The following PHF20 variants were observed in gnomAD, a reference collection of about 807,000 sequenced individuals.
PHF20 encodes PHD finger protein 20.
PHF20 carries 23 observed loss-of-function variants against 113.5 expected under a neutral mutation model. That is an observed-to-expected ratio of 0.20 (90% CI 0.15 to 0.29). The LOEUF (loss-of-function observed/expected upper bound fraction) is 0.29. Among genes scored for constraint, PHF20 ranks in the 10% least tolerant of loss-of-function variants. The pLI is 1.00. For synonymous variants in PHF20, 434 were observed against 457.3 expected, an observed-to-expected ratio of 0.95 and a Z score of 0.65; for missense variants, 943 against 1,219.6, an observed-to-expected ratio of 0.77 and a Z score of 3.38.
chr20:35,942,448 C>T (rs368369682), intron 17 of PHF20, among the ~76,000 whole-genome samples: 4 of 152,278 alleles, frequency 2.6e-5, no homozygotes, highest in African/African-American at 7.2e-5. Flanking sequence ...GGTGAATGTT[C>T]GGTTGTTGCC....
intron 13 of PHF20, among the ~76,000 whole-genome samples, chr20:35,924,364 T>C (rs1361499472): frequency 6.6e-6 from 1 of 151,188 alleles, no homozygotes; most frequent in African/African-American, 2.4e-5. Context: ...TTGGCTAATT[T>C]TGTATTTTTA....
chr20:35,838,864 T>C (rs905517524), intron 2 of PHF20, among the ~76,000 whole-genome samples: 5 of 151,256 alleles, frequency 3.3e-5, no homozygotes, highest in Non-Finnish European at 4.4e-5. Context: ...CATGGTGGTA[T>C]GAGCCTGTAG....
At chr20:35,843,129 T>C (rs1391899523) in intron 3 of PHF20, among the ~76,000 whole-genome samples, 2 of 151,490 alleles carry the variant, frequency 1.3e-5, no homozygotes, top group Non-Finnish European at 2.9e-5. Context: ...CTCAAACTCC[T>C]GACCAATTTT....
At chr20:35,779,735 A>G (rs1347826836) in intron 1 of PHF20, among the ~76,000 whole-genome samples, 1 of 151,858 alleles carries the variant, frequency 6.6e-6, no homozygotes, top group Non-Finnish European at 1.5e-5. Context: ...TCGCCAGGCT[A>G]GTCTTGAACT....
intron 2 of PHF20, among the ~76,000 whole-genome samples, chr20:35,806,858 C>T (rs1305897791): frequency 2.0e-5 from 3 of 146,546 alleles, no homozygotes; most frequent in African/African-American, 5.1e-5. Context: ...TGCAGTGGCA[C>T]GATCTTGGCT....
chr20:35,801,909 C>T (rs553414536), intron 2 of PHF20: 2 of 219,038 alleles, frequency 9.1e-6, no homozygotes, highest in East Asian at 1.1e-4. Flanking sequence ...TTGCTCCTGG[C>T]TGCCTGTCTG....
At chr20:35,811,603 C>T (rs1025582063) in intron 2 of PHF20, among the ~76,000 whole-genome samples, 5 of 151,908 alleles carry the variant, frequency 3.3e-5, no homozygotes, top group Non-Finnish European at 5.9e-5. Context: ...CCACCACGCT[C>T]AGCTAATTTT....
intron 2 of PHF20, among the ~76,000 whole-genome samples, chr20:35,829,142 A>G (rs549138807): frequency 6.6e-6 from 1 of 152,288 alleles, no homozygotes; most frequent in Admixed American, 6.5e-5. Context: ...CTCACGATGT[A>G]GCACCTGACT....
In PHF20 at chr20:35,913,329, A is replaced by G. The variant is rs769354839; in HGVS notation, c.1642A>G (p.Lys548Glu). 6.2e-7 allele frequency: 1 copy of G among 1,601,840 alleles called. No homozygotes were observed. Among genetic ancestry groups the G allele is most frequent in the Non-Finnish European group, 8.5e-7 (1 of 1,175,438 alleles). Residue 548 changes from lysine (K) to glutamate (E), a missense_variant, in exon 11 of 18, where the codon AAA becomes GAA. Transcript: ENST00000374012. ...GAAGCCAAAGAAGAAAAAGAAAAAG[A>G]AAAAGAAAACCAAACCTGGTAATTT... ...RVKPKKKKKK[K>E]KKTKPECPCS...
intron 10 of PHF20, among the ~76,000 whole-genome samples, chr20:35,911,757 C>T (rs540865755): frequency 1.4e-4 from 22 of 152,178 alleles, no homozygotes; most frequent in Admixed American, 3.9e-4. Context: ...CTCCCCGATT[C>T]GAGCAATTCT....
chr20:35,898,473 T>A (rs566768605), intron 9 of PHF20, among the ~76,000 whole-genome samples: 42 of 152,310 alleles, frequency 2.8e-4, no homozygotes, highest in Middle Eastern at 3.4e-3. Context: ...TCTGGCTCTG[T>A]TGACCAGGGT....
Position 35,791,537 on chromosome 20 carries a change from G to GTGTA in PHF20, c.-32-9953_-32-9952insGTAT, listed in dbSNP as rs372219422. ...ATATACATATATATCTTAGAATAGT[G>GTGTA]TATATATATATATATATATATATAT... On this transcript the variant is annotated intron_variant, in intron 1 of 17. Transcript: ENST00000374012. Among the ~76,000 whole-genome samples the GTGTA allele has an allele frequency of 5.4e-3, 686 of 127,206 alleles. 9 individuals are homozygous for GTGTA. Among genetic ancestry groups the GTGTA allele is most frequent in the East Asian group, 0.034 (155 of 4,556 alleles). The allele number at this position is 127,206 out of a possible 152,430, so 83.5% of individuals were successfully genotyped here.
chr20:35,869,876 T>C lies in PHF20; in HGVS notation c.922+325T>C, dbSNP rs542052459. The stretch of plus-strand genomic sequence containing the variant: ...AGTGAAACTTTAAAAATACTACTTA[T>C]TGGCCTGGCGCAGTGGCTCATGCCT... On this transcript the variant is annotated intron_variant, in intron 7 of 17. Transcript: ENST00000374012. Among the ~76,000 whole-genome samples the C allele has an allele frequency of 5.9e-5, 9 of 152,250 alleles. No homozygotes were observed. In the South Asian group the frequency reaches 1.9e-3, roughly 32 times the overall value.
At chr20:35,852,459 T>A (rs960459948) in intron 4 of PHF20, among the ~76,000 whole-genome samples, 2 of 152,106 alleles carry the variant, frequency 1.3e-5, no homozygotes, top group Non-Finnish European at 2.9e-5. Context: ...TGGGAATAGA[T>A]GAGTGTTGTA....
intron 15 of PHF20, among the ~76,000 whole-genome samples, chr20:35,935,545 T>G (rs570143331): frequency 6.6e-6 from 1 of 152,178 alleles, no homozygotes; most frequent in Non-Finnish European, 1.5e-5. Flanking sequence ...TTTCATATTT[T>G]TAGTAGAGAC....
intron 1 of PHF20, among the ~76,000 whole-genome samples, chr20:35,772,474 C>T (rs2041080482): frequency 1.3e-5 from 2 of 152,180 alleles, no homozygotes; most frequent in Admixed American, 6.5e-5. Flanking sequence ...CTGCTATTGC[C>T]TTGCGCTTTG....
chr20:35,815,052 C>T (rs1042158313), intron 2 of PHF20, among the ~76,000 whole-genome samples: 9 of 150,838 alleles, frequency 6.0e-5, no homozygotes, highest in Non-Finnish European at 1.3e-4. Context: ...AAAAATTAGC[C>T]GGGTGTGGTG....
chr20:35,944,233 C>A (rs1277055113), intron 17 of PHF20, among the ~76,000 whole-genome samples: 1 of 152,192 alleles, frequency 6.6e-6, no homozygotes, highest in Non-Finnish European at 1.5e-5. Flanking sequence ...TGACTTCCCA[C>A]AGTCCTGGCT....
At chr20:35,850,590 T>G (rs571883898) in intron 4 of PHF20, 12 of 80,842 alleles carry the variant, frequency 1.5e-4, no homozygotes, top group Middle Eastern at 6.2e-3. Flanking sequence ...GAGCTGTTTT[T>G]TTTTTTTTTT....
Sources: gnomAD v4.1 joint callset for allele counts (sites outside exome capture counted in the v4.1 genomes callset) on GRCh38, gnomAD v4.1.1 for gene constraint, MANE v1.5 for transcripts, NCBI Gene and HGNC (gene_info 2026-07-23, HGNC 2026-07-21) for gene names.